HMGCLL1: variants seen among roughly 807,000 people sequenced by gnomAD.
HMGCLL1 encodes 3-hydroxymethyl-3-methylglutaryl-CoA lyase, cytoplasmic.
HMGCLL1 carries 36 observed loss-of-function variants against 39.1 expected under a neutral mutation model. The observed-to-expected ratio is 0.92, with a 90% CI of 0.71 to 1.22. HMGCLL1 has a LOEUF of 1.22. Among genes scored for constraint, HMGCLL1 ranks in the 50% most tolerant of loss-of-function variants. The pLI is 0.00. For missense variants in HMGCLL1, 451 were observed against 416.5 expected, an observed-to-expected ratio of 1.08 and a Z score of -0.72; for synonymous variants, 149 against 144.0, an observed-to-expected ratio of 1.03 and a Z score of -0.25.
chr6:55,474,351 G>A (rs1765190502), intron 7 of HMGCLL1, among the ~76,000 whole-genome samples: 1 of 151,454 alleles, frequency 6.6e-6, no homozygotes, highest in African/African-American at 2.4e-5. Flanking sequence ...GTTTTATGAA[G>A]TGTCTACTGA....
chr6:55,672,379 C>T, the HMGCLL1 span, among the ~76,000 whole-genome samples: 2 of 151,628 alleles, frequency 1.3e-5, no homozygotes, highest in Non-Finnish European at 3.0e-5. Context: ...AGCTCAAATT[C>T]TCTTAGTTTA....
At chr6:55,675,251 GA>G in the HMGCLL1 span, among the ~76,000 whole-genome samples, 1 of 152,034 alleles carries the variant, frequency 6.6e-6, no homozygotes, top group Non-Finnish European at 1.5e-5. Flanking sequence ...ACAGGCAAAA[GA>G]AAAAATACTA....
the HMGCLL1 span, among the ~76,000 whole-genome samples, chr6:55,607,869 G>C: frequency 2.0e-5 from 3 of 152,148 alleles, no homozygotes; most frequent in African/African-American, 7.2e-5. Flanking sequence ...CTAAATATTT[G>C]TGAGTTGAAG....
chr6:55,602,241 T>A, the HMGCLL1 span, among the ~76,000 whole-genome samples: 38 of 152,104 alleles, frequency 2.5e-4, no homozygotes, highest in Admixed American at 2.5e-3. Flanking sequence ...ACCTCATAGA[T>A]CTTGTAGCTT....
chr6:55,456,477 C>T (rs1455985770), intron 7 of HMGCLL1, among the ~76,000 whole-genome samples: 3 of 152,080 alleles, frequency 2.0e-5, no homozygotes, highest in Non-Finnish European at 4.4e-5. Flanking sequence ...AGATTAATGT[C>T]CAAGGAAGAA....
intron 1 of HMGCLL1, among the ~76,000 whole-genome samples, chr6:55,575,290 T>G (rs531168484): frequency 1.3e-5 from 2 of 152,200 alleles, no homozygotes; most frequent in South Asian, 4.1e-4. Context: ...CCCACATAAT[T>G]TAATTAGTGG....
chr6:55,628,056 AATATATATAGT>A, the HMGCLL1 span, among the ~76,000 whole-genome samples: 2 of 460 alleles, frequency 4.3e-3, 1 homozygote, highest in Non-Finnish European at 5.8e-3. Flanking sequence ...TATATAGTAT[AATATATATAGT>A]GTATATATAT....
At chr6:55,473,033 C>T (rs1392341078) in intron 7 of HMGCLL1, among the ~76,000 whole-genome samples, 1 of 151,318 alleles carries the variant, frequency 6.6e-6, no homozygotes, top group Non-Finnish European at 1.5e-5. Flanking sequence ...GCGAAGTCCA[C>T]TTTTTTCTAA....
chr6:55,546,637 G>C (rs1769994342), intron 1 of HMGCLL1, among the ~76,000 whole-genome samples: 1 of 152,070 alleles, frequency 6.6e-6, no homozygotes, highest in African/African-American at 2.4e-5. Flanking sequence ...GATGGGGAGG[G>C]ACACTTTTCT....
At chr6:55,580,406 C>CTTTTTTTTTTTTTTTTT (rs145371462), upstream of HMGCLL1, among the ~76,000 whole-genome samples, 1 of 73,266 alleles carries the variant, frequency 1.4e-5, no homozygotes, top group Non-Finnish European at 2.3e-5. Context: ...TTTTTTCTTT[C>CTTTTTTTTTTTTTTTTT]TTTTTTTTTT....
intron 7 of HMGCLL1, among the ~76,000 whole-genome samples, chr6:55,453,671 A>G (rs1423312444): frequency 6.6e-6 from 1 of 152,220 alleles, no homozygotes; most frequent in Non-Finnish European, 1.5e-5. Context: ...ATTGAGATGG[A>G]TAGAGGCTGA....
chr6:55,486,650 C>T (rs756053606), intron 7 of HMGCLL1, among the ~76,000 whole-genome samples: 23 of 152,068 alleles, frequency 1.5e-4, no homozygotes, highest in Admixed American at 6.6e-5. Flanking sequence ...CTTTTATCAC[C>T]GTCACCTTAC....
intron 1 of HMGCLL1, among the ~76,000 whole-genome samples, chr6:55,571,467 G>A (rs1022056040): frequency 1.6e-4 from 25 of 152,096 alleles, no homozygotes; most frequent in Admixed American, 6.5e-4. Flanking sequence ...AATGTAAAAC[G>A]GTGAGTGAGG....
the HMGCLL1 span, among the ~76,000 whole-genome samples, chr6:55,648,614 A>G: frequency 1.6e-5 from 1 of 63,348 alleles, no homozygotes. Flanking sequence ...TAGAAAATCT[A>G]GAAGAAATGG....
the HMGCLL1 span, among the ~76,000 whole-genome samples, chr6:55,627,471 G>C: frequency 3.3e-3 from 509 of 152,042 alleles, 1 homozygote; most frequent in Middle Eastern, 6.8e-3. Context: ...CAGGAGATGT[G>C]TATGGGTTCA....
At chr6:55,480,968 T>C (rs1195104167) in intron 7 of HMGCLL1, among the ~76,000 whole-genome samples, 2 of 152,050 alleles carry the variant, frequency 1.3e-5, no homozygotes, top group African/African-American at 4.8e-5. Flanking sequence ...GAACAATGAT[T>C]ACCAGAGGCT....
rs570744536 is a variant in HMGCLL1, at chr6:55,486,101, A to ATG, written c.795+9316_795+9317dup. Among the ~76,000 whole-genome samples, 474 of 148,670 alleles carry ATG rather than the reference A, an allele frequency of 3.2e-3. 2 individuals carry two copies. Among genetic ancestry groups the ATG allele is most frequent in the Middle Eastern group, 0.021 (6 of 284 alleles). On this transcript the variant is annotated intron_variant, in intron 7 of 8. Transcript: ENST00000274901. Reference sequence around the variant, plus strand: ...ACACACACACACATACACAATATGTATGTGTGTGTGTGTATATATATAGTC... The same window carrying ATG: ...ACACACACACACATACACAATATGTATGTGTGTGTGTGTGTATATATATAGTC...
chr6:55,497,365 T>G (rs1344589817), intron 6 of HMGCLL1, among the ~76,000 whole-genome samples: 1 of 152,062 alleles, frequency 6.6e-6, no homozygotes, highest in Non-Finnish European at 1.5e-5. Flanking sequence ...ATGTGTTTGG[T>G]TGTAAAAGTG....
At chr6:55,632,937 A>G in the HMGCLL1 span, among the ~76,000 whole-genome samples, 17 of 152,278 alleles carry the variant, frequency 1.1e-4, no homozygotes, top group Admixed American at 7.9e-4. Flanking sequence ...AGGAAACCAC[A>G]TAAAGCTGCA....
Sources: gnomAD v4.1 joint callset for allele counts (sites outside exome capture counted in the v4.1 genomes callset) on GRCh38, gnomAD v4.1.1 for gene constraint, MANE v1.5 for transcripts, NCBI Gene and HGNC (gene_info 2026-07-23, HGNC 2026-07-21) for gene names.